Variants in ELAPOR1 observed in about 807,000 individuals in gnomAD.
ELAPOR1 encodes endosome-lysosome associated apoptosis and autophagy regulator 1, also known as endosome/lysosome-associated apoptosis and autophagy regulator 1.
ELAPOR1 carries 77 observed loss-of-function variants against 119.7 expected under a neutral mutation model. The observed-to-expected ratio is 0.64, with a 90% confidence interval of 0.54 to 0.78. ELAPOR1 has a LOEUF of 0.78. Ranked by LOEUF, ELAPOR1 falls within the 30% of genes least tolerant of loss-of-function variation. The pLI, the probability that ELAPOR1 is intolerant of heterozygous loss-of-function variation, is 0.00. For synonymous variants in ELAPOR1, 481 were observed against 487.2 expected (o/e 0.99, Z 0.17); for missense variants, 1,115 against 1,270.4 (o/e 0.88, Z 1.86).
intron 3 of ELAPOR1, among the ~76,000 whole-genome samples, chr1:109,170,205 T>G (rs1023063405): frequency 2.0e-5 from 3 of 152,146 alleles, no homozygotes; most frequent in African/African-American, 7.2e-5. Context: ...AAACACCAGA[T>G]TCAGGAAATT....
Position 109,194,396 on chromosome 1 carries a change from C to T in ELAPOR1, c.1948-25C>T, listed in dbSNP as rs375841704. 3.1e-6 allele frequency: 5 copies of T among 1,607,402 alleles called. No individual in the cohort carries two copies. In the African/African-American group the frequency reaches 4.0e-5, roughly 13 times the overall value. ...CTCAAGGCCCTTCCTGACCAGCTGG[C>T]CCGACCCGTCCCTCTCCCCCTCAGA... is the stretch of plus-strand genomic sequence containing the variant. On this transcript the variant is annotated intron_variant, in intron 14 of 21. Coordinates refer to ENST00000369939, the MANE Select transcript of ELAPOR1 (RefSeq NM_020775.5).
At chr1:109,183,592 C>CCTTT (rs1558058171) in intron 7 of ELAPOR1, among the ~76,000 whole-genome samples, 1 of 77,648 alleles carries the variant, frequency 1.3e-5, no homozygotes, top group African/African-American at 4.9e-5. Context: ...TTCCTTCCTT[C>CCTTT]CTTCCTTCCT....
intron 1 of ELAPOR1, among the ~76,000 whole-genome samples, chr1:109,136,311 C>T (rs1649463406): frequency 6.6e-6 from 1 of 152,084 alleles, no homozygotes; most frequent in South Asian, 2.1e-4. Flanking sequence ...GACGAATGCA[C>T]AGGGAAAATG....
At chr1:109,148,565 G>A (rs1029393285) in intron 1 of ELAPOR1, among the ~76,000 whole-genome samples, 1 of 152,222 alleles carries the variant, frequency 6.6e-6, no homozygotes, top group Non-Finnish European at 1.5e-5. Context: ...ATTGAGTATT[G>A]CAGCTGCTCA....
chr1:109,198,173 C>A, intron 17 of ELAPOR1, 98 bp downstream of exon 17: 1 of 934,238 alleles, frequency 1.1e-6, no homozygotes. Context: ...GCTTATCAAG[C>A]CAGAACATGT....
chr1:109,192,512 A>T, intron 13 of ELAPOR1, 99 bp from the exon 14 acceptor site: 4 of 1,258,564 alleles, frequency 3.2e-6, no homozygotes, highest in Non-Finnish European at 4.5e-6. Context: ...CTTAAGTATC[A>T]CAGGATAGAA....
chr1:109,145,136 C>T (rs191096680), intron 1 of ELAPOR1, among the ~76,000 whole-genome samples: 68 of 152,112 alleles, frequency 4.5e-4, no homozygotes, highest in African/African-American at 1.6e-3. Context: ...ATTAGGTACC[C>T]TTATAAAGGA....
At chr1:109,160,438 A>G (rs2101037481) in intron 1 of ELAPOR1, among the ~76,000 whole-genome samples, 1 of 152,270 alleles carries the variant, frequency 6.6e-6, no homozygotes, top group East Asian at 1.9e-4. Context: ...AAAACATAAC[A>G]CAATTCTTCC....
At position 109,120,517 on chromosome 1, in the gene ELAPOR1, T is replaced by G. The variant is rs562189745; in HGVS notation, c.153+6181T>G. On this transcript the variant is annotated intron_variant, in intron 1 of 21. Coordinates refer to ENST00000369939, the MANE Select transcript of ELAPOR1 (RefSeq NM_020775.5). ...GAGGAATGGGCCCTCACCGGACGCC[T>G]AATCTGCTGGTGCCTTGATCTTGGA... Among the ~76,000 whole-genome samples the G allele has an allele frequency of 7.9e-5, 12 of 152,312 alleles. No homozygotes were observed. The East Asian group carries it at 2.3e-3, about 29-fold the overall frequency.
At chr1:109,125,461 C>T (rs1158766808) in intron 1 of ELAPOR1, among the ~76,000 whole-genome samples, 1 of 151,708 alleles carries the variant, frequency 6.6e-6, no homozygotes, top group African/African-American at 2.4e-5. Context: ...AGCACAATCT[C>T]AGCTCACTAC....
intron 1 of ELAPOR1, among the ~76,000 whole-genome samples, chr1:109,141,841 T>G (rs1251204119): frequency 6.6e-6 from 1 of 151,932 alleles, no homozygotes; most frequent in Non-Finnish European, 1.5e-5. Context: ...AATTTTTTTT[T>G]TTTTCTAGAG....
At chr1:109,197,413 C>T (rs986716317) in intron 15 of ELAPOR1, 61 bp from the exon 16 acceptor site, 13 of 1,468,904 alleles carry the variant, frequency 8.9e-6, no homozygotes, top group African/African-American at 2.8e-5. Flanking sequence ...CTATTCCCTT[C>T]TGGGAATTCC....
At chr1:109,167,355 G>A (rs957314207) in intron 3 of ELAPOR1, among the ~76,000 whole-genome samples, 4 of 152,172 alleles carry the variant, frequency 2.6e-5, no homozygotes, top group Admixed American at 6.5e-5. Flanking sequence ...ACGACATCCC[G>A]GGGAGGGAGG....
chr1:109,119,352 T>G (rs538040505), intron 1 of ELAPOR1, among the ~76,000 whole-genome samples: 5 of 151,696 alleles, frequency 3.3e-5, no homozygotes, highest in African/African-American at 1.2e-4. Context: ...GCCCTGATAA[T>G]TTTTGTAGTT....
intron 1 of ELAPOR1, among the ~76,000 whole-genome samples, chr1:109,116,680 C>CTTTTTTTTTT (rs71069649): frequency 2.1e-5 from 2 of 96,870 alleles, no homozygotes. Context: ...CTTCTCTGTT[C>CTTTTTTTTTT]TTTTTTTTTT....
rs968181756 is a variant in ELAPOR1, at chr1:109,164,814, A to G, written c.467+123A>G. The G allele has an allele frequency of 3.2e-6, 3 of 948,978 alleles. No individual in the cohort carries two copies. In the African/African-American group the frequency reaches 5.0e-5, roughly 16 times the overall value. The allele number at this position is 948,978 out of a possible 1,614,324, so 58.8% of individuals were successfully genotyped here. A position where few individuals can be genotyped will look rare whatever the true frequency, so the allele number is the denominator to read the frequency against. On this transcript the variant is annotated intron_variant, in intron 3 of 21. Transcript: ENST00000369939. ...GGGAGGATGGAGGGAAGAGGAAGCCAGGCTGCCAGGGTGAGGCCTGCAGCT... is the reference window on the plus strand; with the variant it reads ...GGGAGGATGGAGGGAAGAGGAAGCCGGGCTGCCAGGGTGAGGCCTGCAGCT...
rs540880561 is a variant in ELAPOR1, at chr1:109,137,279, C to T, written c.153+22943C>T. ...AGTGTAGTGGTGTGATCTCGGCTCACTGCAACCTCCGCCTCCTGGGCTCAA... is the reference window on the plus strand; with the variant it reads ...AGTGTAGTGGTGTGATCTCGGCTCATTGCAACCTCCGCCTCCTGGGCTCAA... On this transcript the variant is annotated intron_variant, in intron 1 of 21. Transcript: ENST00000369939. 3.8e-3 allele frequency among the ~76,000 whole-genome samples: 578 copies of T among 151,934 alleles called. 7 individuals carry two copies. Among genetic ancestry groups the T allele is most frequent in the Non-Finnish European group, 6.7e-3 (453 of 67,942 alleles).
At chr1:109,157,028 G>A (rs1325020803) in intron 1 of ELAPOR1, among the ~76,000 whole-genome samples, 3 of 152,192 alleles carry the variant, frequency 2.0e-5, no homozygotes, top group African/African-American at 7.2e-5. Flanking sequence ...GGTACAAAAT[G>A]CCTTTCCGCC....
At position 109,118,084 on chromosome 1, in the gene ELAPOR1, G is replaced by A. The variant is rs146513654; in HGVS notation, c.153+3748G>A. On this transcript the variant is annotated intron_variant, in intron 1 of 21. Coordinates refer to ENST00000369939, the MANE Select transcript of ELAPOR1 (RefSeq NM_020775.5). ...GGAGGTTGCAGTGAACTGAGATTACGCCATTGTACTCCAGCCTGGGCGACA... is the reference window on the plus strand; with the variant it reads ...GGAGGTTGCAGTGAACTGAGATTACACCATTGTACTCCAGCCTGGGCGACA... 4.6e-4 allele frequency among the ~76,000 whole-genome samples: 70 copies of A among 151,584 alleles called. 1 individual carries two copies. The East Asian group carries it at 6.6e-3, about 14-fold the overall frequency.
Sources: gnomAD v4.1 joint callset for allele counts (sites outside exome capture counted in the v4.1 genomes callset) on GRCh38, gnomAD v4.1.1 for gene constraint, MANE v1.5 for transcripts, NCBI Gene and HGNC (gene_info 2026-07-23, HGNC 2026-07-21) for gene names.